The following PDE8B variants were observed in gnomAD, a reference collection of about 807,000 sequenced individuals.
PDE8B encodes phosphodiesterase 8B.
A neutral mutation model predicts 101.3 loss-of-function variants in PDE8B; 26 were observed. That is an observed-to-expected ratio of 0.26 (90% confidence interval 0.19 to 0.36). The LOEUF (loss-of-function observed/expected upper bound fraction) is 0.36, where lower values mean the gene tolerates loss of function less well. PDE8B is among the 10% of genes least tolerant of loss of function. The pLI, the probability that PDE8B is intolerant of heterozygous loss-of-function variation, is 1.00. For synonymous variants in PDE8B, 424 were observed against 429.3 expected (o/e 0.99, Z 0.15); for missense variants, 810 against 1,163.1 (o/e 0.70, Z 4.42).
At chr5:77,419,030 T>G (rs1422321138) in intron 18 of PDE8B, among the ~76,000 whole-genome samples, 1 of 152,176 alleles carries the variant, frequency 6.6e-6, no homozygotes, top group African/African-American at 2.4e-5. Context: ...TGGAGCTCAC[T>G]CGGGCCTCAG....
At chr5:77,176,534 C>T in the PDE8B span, among the ~76,000 whole-genome samples, 1 of 152,180 alleles carries the variant, frequency 6.6e-6, no homozygotes, top group Non-Finnish European at 1.5e-5. Flanking sequence ...GATTCTTTGG[C>T]ACATCTCAGT....
At chr5:77,090,885 A>G in the PDE8B span, among the ~76,000 whole-genome samples, 1 of 152,198 alleles carries the variant, frequency 6.6e-6, no homozygotes, top group African/African-American at 2.4e-5. Flanking sequence ...GGGACTGCAG[A>G]TACTTCTTGG....
Position 77,211,154 on chromosome 5 carries a change from G to A in PDE8B, c.229G>A (p.Gly77Ser), listed in dbSNP as rs762015029. The change falls in exon 1 of 22, where the codon GGT becomes AGT. Residue 77 changes from glycine to serine, a missense_variant. Coordinates refer to ENST00000264917, the MANE Select transcript of PDE8B (RefSeq NM_003719.5). This position sits in a 1 kb window ranked among gnomAD's most constrained non-coding sequence, Gnocchi z 4.1. ...VRRARTELGS[G>S]SSAGSAAPAA... ...CAGGGCCCGCACCGAGCTGGGCAGCGGTAGCAGCGCGGGTTCCGCAGCCCC... is the reference window on the plus strand; with the variant it reads ...CAGGGCCCGCACCGAGCTGGGCAGCAGTAGCAGCGCGGGTTCCGCAGCCCC... The A allele has an allele frequency of 4.1e-5, 63 of 1,530,706 alleles. No homozygotes were observed. Among genetic ancestry groups the A allele is most frequent in the Non-Finnish European group, 5.3e-5 (61 of 1,145,284 alleles). The allele number at this position is 1,530,706 out of a possible 1,614,324, so 94.8% of individuals were successfully genotyped here. A position where few individuals can be genotyped will look rare whatever the true frequency, so the allele number is the denominator to read the frequency against.
At chr5:77,164,928 C>G in the PDE8B span, among the ~76,000 whole-genome samples, 9 of 152,190 alleles carry the variant, frequency 5.9e-5, no homozygotes, top group African/African-American at 2.2e-4. Flanking sequence ...TCATAACTGA[C>G]TACAAGCCAG....
intron 10 of PDE8B, among the ~76,000 whole-genome samples, chr5:77,396,048 A>C (rs1192890663): frequency 6.6e-6 from 1 of 152,234 alleles, no homozygotes; most frequent in African/African-American, 2.4e-5. Flanking sequence ...TCGTGCATCA[A>C]CCCAAACATG....
At chr5:77,180,410 A>G in the PDE8B span, 1 of 981,182 alleles carries the variant, frequency 1.0e-6, no homozygotes, top group African/African-American at 1.8e-5. Flanking sequence ...GGCGCCAGGC[A>G]CGGGCACCAC....
chr5:77,197,374 C>T, the PDE8B span, among the ~76,000 whole-genome samples: 1 of 152,046 alleles, frequency 6.6e-6, no homozygotes, highest in Non-Finnish European at 1.5e-5. Context: ...ACCTTGGCCT[C>T]CTAAAGTGCT....
At chr5:77,254,971 A>G (rs542042763) in intron 1 of PDE8B, among the ~76,000 whole-genome samples, 3 of 152,140 alleles carry the variant, frequency 2.0e-5, no homozygotes. Context: ...TTGTTTCTAG[A>G]GAATCTTTCG....
the PDE8B span, among the ~76,000 whole-genome samples, chr5:77,173,649 T>A: frequency 6.6e-6 from 1 of 152,132 alleles, no homozygotes; most frequent in Admixed American, 6.5e-5. Context: ...TGAAGCCTAC[T>A]AGAGTTGTGA....
the PDE8B span, among the ~76,000 whole-genome samples, chr5:77,167,320 A>G: frequency 0.013 from 1,948 of 152,322 alleles, 40 homozygotes; most frequent in African/African-American, 0.043. Context: ...ACACCAGACC[A>G]TGTCTGTTTT....
intron 1 of PDE8B, among the ~76,000 whole-genome samples, chr5:77,309,941 A>AGCTTT (rs772985826): frequency 2.4e-5 from 2 of 83,116 alleles, no homozygotes; most frequent in Non-Finnish European, 4.3e-5. Flanking sequence ...TTAATCATTA[A>AGCTTT]TCTTTTTTTT....
chr5:77,358,739 T>A (rs536037804), intron 10 of PDE8B, among the ~76,000 whole-genome samples: 47 of 152,336 alleles, frequency 3.1e-4, no homozygotes, highest in African/African-American at 1.0e-3. Context: ...CTTCTTTTTT[T>A]AAAAATTGGA....
intron 1 of PDE8B, among the ~76,000 whole-genome samples, chr5:77,229,388 C>A (rs1753083377): frequency 6.6e-6 from 1 of 152,186 alleles, no homozygotes; most frequent in Non-Finnish European, 1.5e-5. Context: ...CTATAGAATA[C>A]CATTCACAAG....
chr5:77,108,947 A>G, the PDE8B span, among the ~76,000 whole-genome samples: 1 of 152,198 alleles, frequency 6.6e-6, no homozygotes, highest in African/African-American at 2.4e-5. Context: ...TGCTTCTGCC[A>G]TTGGTAAGAT....
chr5:77,201,050 G>C, the PDE8B span, among the ~76,000 whole-genome samples: 2 of 152,218 alleles, frequency 1.3e-5, no homozygotes, highest in African/African-American at 4.8e-5. Context: ...ACTGCAGAAG[G>C]TACTAAAGAA....
chr5:77,332,077 C>G (rs1170258844), intron 5 of PDE8B, among the ~76,000 whole-genome samples: 2 of 151,952 alleles, frequency 1.3e-5, no homozygotes, highest in African/African-American at 4.8e-5. Context: ...AGATTGGAGG[C>G]AAAGCTGTGT....
chr5:77,135,792 A>T, the PDE8B span, among the ~76,000 whole-genome samples: 1 of 149,964 alleles, frequency 6.7e-6, no homozygotes, highest in African/African-American at 2.5e-5. Flanking sequence ...TTTTTTTTTT[A>T]ATAGAGACAG....
intron 2 of PDE8B, among the ~76,000 whole-genome samples, chr5:77,313,223 G>T (rs1316065404): frequency 6.6e-6 from 1 of 151,764 alleles, no homozygotes; most frequent in Non-Finnish European, 1.5e-5. Context: ...TGTGCTATTT[G>T]ATTTATGAGC....
chr5:77,225,863 C>T lies in PDE8B; in HGVS notation c.339+14599C>T, dbSNP rs2149458162. ...ACATGCGCGTGCACACACACACACA[C>T]ACACACACACACACACACCCCACGC... On this transcript the variant is annotated intron_variant, in intron 1 of 21. Transcript: ENST00000264917. 1.4e-5 allele frequency among the ~76,000 whole-genome samples: 2 copies of T among 144,948 alleles called. 1 individual carries two copies. The highest frequency in any genetic ancestry group is 7.0e-3 in the Middle Eastern group (2 of 286).
Sources: allele counts gnomAD v4.1 joint callset (sites outside exome capture counted in the v4.1 genomes callset), GRCh38; gene constraint gnomAD v4.1.1; non-coding constraint Gnocchi (gnomAD v3.1); transcripts MANE v1.5; gene names NCBI Gene and HGNC (gene_info 2026-07-23, HGNC 2026-07-21).